CHRM5: variants seen among roughly 807,000 people sequenced by gnomAD.
The protein encoded by CHRM5 is cholinergic receptor muscarinic 5, also known as muscarinic acetylcholine receptor M5.
In CHRM5, 18 loss-of-function variants were observed where a neutral mutation model predicts 39.0. That is an observed-to-expected ratio of 0.46 (90% CI 0.32 to 0.68). CHRM5 has a LOEUF of 0.68. Among genes scored for constraint, CHRM5 ranks in the 30% least tolerant of loss-of-function variants. CHRM5 has a pLI of 0.04. For synonymous variants in CHRM5, 241 were observed against 246.3 expected (o/e 0.98, Z 0.20); for missense variants, 515 against 651.1 (o/e 0.79, Z 2.28).
At chr15:34,038,975 G>T in intron 1 of CHRM5, 1 of 1,112,544 alleles carries the variant, frequency 9.0e-7, no homozygotes. Flanking sequence ...GCTCGCTGTG[G>T]CGATCTCCGC....
intron 1 of CHRM5, among the ~76,000 whole-genome samples, chr15:33,976,729 G>A (rs1895905310): frequency 6.6e-6 from 1 of 152,046 alleles, no homozygotes; most frequent in Non-Finnish European, 1.5e-5. Context: ...TAACATAAAT[G>A]TATTGTACCT....
intron 1 of CHRM5, among the ~76,000 whole-genome samples, chr15:33,971,591 T>C (rs1029986336): frequency 6.6e-6 from 1 of 152,086 alleles, no homozygotes; most frequent in African/African-American, 2.4e-5. Flanking sequence ...ATTAGAAACA[T>C]ACCTAAAATT....
At chr15:34,005,750 G>C (rs544972562) in intron 1 of CHRM5, among the ~76,000 whole-genome samples, 2 of 152,256 alleles carry the variant, frequency 1.3e-5, no homozygotes, top group East Asian at 3.9e-4. Context: ...TTTAACACTA[G>C]TCAATAATCC....
chr15:34,039,055 C>A, intron 1 of CHRM5: 1 of 1,101,336 alleles, frequency 9.1e-7, no homozygotes, highest in South Asian at 4.2e-5. Context: ...ATCTGGCCGC[C>A]GCTGGCGGTG....
intron 1 of CHRM5, among the ~76,000 whole-genome samples, chr15:34,019,546 A>C (rs1036804330): frequency 1.3e-5 from 2 of 152,172 alleles, no homozygotes; most frequent in African/African-American, 4.8e-5. Flanking sequence ...TCACTCACTG[A>C]CTCACTCAGA....
chr15:34,040,170 C>CA lies in CHRM5; in HGVS notation c.-407-6360dup, dbSNP rs922746200. Among the ~76,000 whole-genome samples the CA allele has an allele frequency of 1.1e-3, 168 of 147,780 alleles. 1 individual carries two copies. Among genetic ancestry groups the CA allele is most frequent in the East Asian group, 5.3e-3 (27 of 5,112 alleles). ...TATGTCCTGAAATTAAAAACAAAAA[C>CA]AAAAAAAAAACCTTGCCCCTGCCCT... is the stretch of plus-strand genomic sequence containing the variant. On this transcript the variant is annotated intron_variant, in intron 1 of 2. Coordinates refer to ENST00000383263, the MANE Select transcript of CHRM5 (RefSeq NM_012125.4).
chr15:33,991,917 C>G (rs1896741274), intron 1 of CHRM5: 2 of 153,328 alleles, frequency 1.3e-5, no homozygotes, highest in Non-Finnish European at 2.9e-5. Flanking sequence ...TAGGCTGGAT[C>G]TGCTAAAGGA....
At chr15:34,061,354 A>G (rs1219824546) in intron 2 of CHRM5, among the ~76,000 whole-genome samples, 3 of 152,210 alleles carry the variant, frequency 2.0e-5, no homozygotes, top group African/African-American at 7.2e-5. Flanking sequence ...ATTAAGTGGA[A>G]TAATGTACAG....
intron 1 of CHRM5, among the ~76,000 whole-genome samples, chr15:33,983,447 AC>A (rs1451137385): frequency 6.6e-6 from 1 of 151,980 alleles, no homozygotes; most frequent in African/African-American, 2.4e-5. Context: ...CAAGAATAGC[AC>A]CATTTATAAT....
chr15:34,064,377 A>C lies in CHRM5; in HGVS notation c.*61A>C. The C allele has an allele frequency of 6.7e-7, 1 of 1,498,488 alleles. No homozygotes were observed. Among genetic ancestry groups the C allele is most frequent in the East Asian group, 2.3e-5 (1 of 43,046 alleles). The allele number at this position is 1,498,488 out of a possible 1,614,324, so 92.8% of individuals were successfully genotyped here. ...CAGTCAACATCCTCTGAGGATGAGC[A>C]AGCTGATTCTGGTTTGTATATTTTC... is the stretch of plus-strand genomic sequence containing the variant. On this transcript the variant is annotated 3_prime_UTR_variant, in exon 3 of 3. Coordinates refer to ENST00000383263, the MANE Select transcript of CHRM5 (RefSeq NM_012125.4).
At chr15:33,989,155 C>A (rs597172) in intron 1 of CHRM5, among the ~76,000 whole-genome samples, 115,798 of 142,714 alleles carry the variant, frequency 0.81, 44,503 homozygotes, top group African/African-American at 0.86. Flanking sequence ...CAAACACACA[C>A]AAAAAAGCTA....
chr15:34,030,711 T>G (rs1898746890), intron 1 of CHRM5, among the ~76,000 whole-genome samples: 4 of 152,034 alleles, frequency 2.6e-5, no homozygotes, highest in Admixed American at 2.6e-4. Flanking sequence ...CTCCAACTCC[T>G]GGGTTAAAAA....
At chr15:33,981,444 CAA>C (rs1188152078) in intron 1 of CHRM5, among the ~76,000 whole-genome samples, 2 of 144,488 alleles carry the variant, frequency 1.4e-5, no homozygotes, top group African/African-American at 5.0e-5. Context: ...TAAACATAAC[CAA>C]GTTTTTTTAA....
chr15:34,038,537 C>T (rs1899266107), intron 1 of CHRM5, among the ~76,000 whole-genome samples: 1 of 152,068 alleles, frequency 6.6e-6, no homozygotes, highest in Non-Finnish European at 1.5e-5. Flanking sequence ...CTGGGAAGCC[C>T]TCCTACCCCC....
intron 1 of CHRM5, chr15:33,991,472 T>C (rs115266099): frequency 2.8e-4 from 42 of 151,302 alleles, no homozygotes; most frequent in African/African-American, 1.0e-3. Context: ...CCAGTAAATA[T>C]ATATATCTAC....
intron 1 of CHRM5, chr15:34,006,930 A>G (rs1362571751): frequency 1.1e-5 from 4 of 373,612 alleles, no homozygotes; most frequent in Admixed American, 1.3e-4. Flanking sequence ...GAAAAAGAAC[A>G]GAGCAAATAA....
intron 1 of CHRM5, among the ~76,000 whole-genome samples, chr15:33,978,165 G>A (rs1029331164): frequency 2.6e-5 from 4 of 152,060 alleles, no homozygotes; most frequent in Admixed American, 2.6e-4. Context: ...CATGAAGAAA[G>A]AGGAAATTTC....
chr15:33,992,633 A>G (rs1444522822), intron 1 of CHRM5, among the ~76,000 whole-genome samples: 1 of 148,480 alleles, frequency 6.7e-6, no homozygotes. Context: ...ATATGAGACT[A>G]TATTGGCACA....
rs939370761 is a variant in CHRM5 at position 33,977,949 on chromosome 15, G to A, written c.-408+8799G>A. Among the ~76,000 whole-genome samples the A allele has an allele frequency of 1.6e-4, 14 of 87,152 alleles. No individual in the cohort carries two copies. In the East Asian group the frequency reaches 4.9e-3, roughly 30 times the overall value. 57.2% of individuals were successfully genotyped at this position (87,152 alleles called of 152,430 possible). On this transcript the variant is annotated intron_variant, in intron 1 of 2. Coordinates refer to ENST00000383263, the MANE Select transcript of CHRM5 (RefSeq NM_012125.4). ...GAGCCCTGTCAAAACAGAGAAAAAA[G>A]AAAAGAAAAGAAAGAGAAAGAGAAA...
Sources: allele counts gnomAD v4.1 joint callset (sites outside exome capture counted in the v4.1 genomes callset), GRCh38; gene constraint gnomAD v4.1.1; transcripts MANE v1.5; gene names NCBI Gene and HGNC (gene_info 2026-07-23, HGNC 2026-07-21).